Variants in LRRTM3 observed in about 807,000 individuals in gnomAD.
LRRTM3 encodes leucine-rich repeat transmembrane neuronal protein 3.
In LRRTM3, 24 loss-of-function variants were observed where a neutral mutation model predicts 44.7. That is an observed-to-expected ratio of 0.54 (90% CI 0.39 to 0.76). The LOEUF is 0.76. Ranked by LOEUF, LRRTM3 falls within the 30% of genes least tolerant of loss-of-function variation. The pLI is 0.00. For synonymous variants in LRRTM3, 277 were observed against 278.7 expected (o/e 0.99, Z 0.06); for missense variants, 587 against 702.2 (o/e 0.84, Z 1.85).
chr10:67,083,411 G>C (rs922181965), intron 2 of LRRTM3, among the ~76,000 whole-genome samples: 1 of 151,216 alleles, frequency 6.6e-6, no homozygotes, highest in African/African-American at 2.4e-5. Context: ...AAAAAAAAAA[G>C]TATAGTCCTA....
At chr10:66,973,043 A>G (rs1236327578) in intron 2 of LRRTM3, among the ~76,000 whole-genome samples, 1 of 152,226 alleles carries the variant, frequency 6.6e-6, no homozygotes, top group Non-Finnish European at 1.5e-5. Flanking sequence ...AAAATATGCT[A>G]TAATAGTAAT....
intron 2 of LRRTM3, among the ~76,000 whole-genome samples, chr10:66,981,559 C>T (rs1285792661): frequency 6.6e-6 from 1 of 152,208 alleles, no homozygotes; most frequent in Non-Finnish European, 1.5e-5. Flanking sequence ...TTCCATAGCA[C>T]ATTTTCTTCC....
intron 2 of LRRTM3, among the ~76,000 whole-genome samples, chr10:66,950,860 C>T (rs1271987896): frequency 6.6e-6 from 1 of 152,114 alleles, no homozygotes; most frequent in East Asian, 1.9e-4. Context: ...GGAGTTTGGT[C>T]TTAACCCATT....
chr10:67,017,003 A>C (rs1300212944), intron 2 of LRRTM3, among the ~76,000 whole-genome samples: 3 of 152,178 alleles, frequency 2.0e-5, no homozygotes, highest in Admixed American at 1.3e-4. Context: ...TATATATGAG[A>C]AGAACCTAGA....
intron 2 of LRRTM3, among the ~76,000 whole-genome samples, chr10:66,959,240 T>C (rs1304644580): frequency 6.6e-6 from 1 of 152,188 alleles, no homozygotes; most frequent in East Asian, 1.9e-4. Context: ...TTCCTCTCTA[T>C]AGAATTTCAT....
intron 2 of LRRTM3, among the ~76,000 whole-genome samples, chr10:66,987,647 G>A (rs180713634): frequency 6.6e-6 from 1 of 152,212 alleles, no homozygotes; most frequent in African/African-American, 2.4e-5. Context: ...GCTTTGTATA[G>A]TTAACTTTGG....
intron 2 of LRRTM3, among the ~76,000 whole-genome samples, chr10:66,929,717 A>G (rs1426791443): frequency 6.6e-6 from 1 of 152,212 alleles, no homozygotes; most frequent in East Asian, 1.9e-4. Flanking sequence ...ATCCATCAGT[A>G]CAGTTCTGTA....
At chr10:66,982,674 T>C (rs1041184762) in intron 2 of LRRTM3, among the ~76,000 whole-genome samples, 3 of 151,856 alleles carry the variant, frequency 2.0e-5, no homozygotes, top group African/African-American at 7.3e-5. Context: ...ATAAAAGAGA[T>C]CAATGAATAG....
intron 2 of LRRTM3, among the ~76,000 whole-genome samples, chr10:66,974,788 T>G (rs1008347277): frequency 6.6e-6 from 1 of 152,162 alleles, no homozygotes; most frequent in Non-Finnish European, 1.5e-5. Flanking sequence ...TCTTTTCATG[T>G]GCTTACCAAC....
intron 2 of LRRTM3, among the ~76,000 whole-genome samples, chr10:66,969,745 G>A (rs1380769991): frequency 6.6e-6 from 1 of 152,048 alleles, no homozygotes; most frequent in Non-Finnish European, 1.5e-5. Context: ...TTTTTTGTTT[G>A]TTTATTAACT....
chr10:67,095,424 A>G (rs1029091838), intron 2 of LRRTM3, among the ~76,000 whole-genome samples: 3 of 151,834 alleles, frequency 2.0e-5, no homozygotes, highest in Non-Finnish European at 4.4e-5. Flanking sequence ...TAAGAAACTC[A>G]CTAAAGAAAA....
intron 2 of LRRTM3, among the ~76,000 whole-genome samples, chr10:67,057,690 G>A (rs915446169): frequency 1.3e-5 from 2 of 152,074 alleles, no homozygotes; most frequent in African/African-American, 2.4e-5. Context: ...TTGCTGAACT[G>A]GGTCCTCAGC....
chr10:66,941,602 T>C (rs1847999760), intron 2 of LRRTM3, among the ~76,000 whole-genome samples: 1 of 152,178 alleles, frequency 6.6e-6, no homozygotes, highest in African/African-American at 2.4e-5. Context: ...ATAAAAGCTA[T>C]TTGTCAAATA....
intron 2 of LRRTM3, among the ~76,000 whole-genome samples, chr10:67,047,685 T>A (rs1040526110): frequency 6.6e-6 from 1 of 152,130 alleles, no homozygotes; most frequent in East Asian, 1.9e-4. Context: ...ATGAAATAAA[T>A]ACCCATCAGC....
chr10:66,941,872 A>G (rs1444528756), intron 2 of LRRTM3, among the ~76,000 whole-genome samples: 2 of 152,246 alleles, frequency 1.3e-5, no homozygotes, highest in Non-Finnish European at 2.9e-5. Context: ...ATGACCTAAA[A>G]AAACCACTTT....
At chr10:67,076,975 G>T (rs1018912551) in intron 2 of LRRTM3, among the ~76,000 whole-genome samples, 1 of 152,180 alleles carries the variant, frequency 6.6e-6, no homozygotes, top group South Asian at 2.1e-4. Context: ...CACACTCACC[G>T]CCAAAGCAAC....
chr10:67,016,248 G>A (rs1005236858), intron 2 of LRRTM3, among the ~76,000 whole-genome samples: 2 of 152,230 alleles, frequency 1.3e-5, no homozygotes, highest in African/African-American at 4.8e-5. Flanking sequence ...GGGAGGGGAA[G>A]AGGAAGGGGA....
At chr10:67,013,621 T>A (rs1218346983) in intron 2 of LRRTM3, among the ~76,000 whole-genome samples, 3 of 152,188 alleles carry the variant, frequency 2.0e-5, no homozygotes, top group Non-Finnish European at 2.9e-5. Context: ...TACTTCCTTT[T>A]CTTGATACAA....
At chr10:66,953,572 A>G (rs1848645336) in intron 2 of LRRTM3, among the ~76,000 whole-genome samples, 1 of 152,142 alleles carries the variant, frequency 6.6e-6, no homozygotes, top group South Asian at 2.1e-4. Flanking sequence ...GTTATGACTC[A>G]TGGGTTTTGT....
Sources: allele counts gnomAD v4.1 joint callset (sites outside exome capture counted in the v4.1 genomes callset), GRCh38; gene constraint gnomAD v4.1.1; transcripts MANE v1.5; gene names NCBI Gene and HGNC (gene_info 2026-07-23, HGNC 2026-07-21).